Variants in HSF2BP observed in about 807,000 individuals in gnomAD.
The protein encoded by HSF2BP is heat shock factor 2-binding protein.
Under a neutral mutation model 35.0 loss-of-function variants are expected in HSF2BP, and 35 were observed. That is an observed-to-expected ratio of 1.00 (90% CI 0.76 to 1.32). The LOEUF (loss-of-function observed/expected upper bound fraction) is 1.32, where lower values mean the gene tolerates loss of function less well. Ranked by LOEUF, HSF2BP falls within the 40% of genes most tolerant of loss-of-function variation. The pLI is 0.00. For synonymous variants in HSF2BP, 114 were observed against 117.4 expected (o/e 0.97, Z 0.18); for missense variants, 326 against 321.7 (o/e 1.01, Z -0.10).
chr21:43,624,332 G>A (rs2082365012), intron 6 of HSF2BP, among the ~76,000 whole-genome samples: 1 of 152,190 alleles, frequency 6.6e-6, no homozygotes, highest in East Asian at 1.9e-4. Context: ...TCCACATGCA[G>A]AGTCACACAA....
At chr21:43,613,300 A>G (rs2082232131) in intron 7 of HSF2BP, among the ~76,000 whole-genome samples, 1 of 152,212 alleles carries the variant, frequency 6.6e-6, no homozygotes, top group African/African-American at 2.4e-5. Flanking sequence ...ACTCGCTCCT[A>G]GAAACCAAGA....
chr21:43,621,665 T>G (rs2082332854), intron 6 of HSF2BP, among the ~76,000 whole-genome samples: 1 of 152,056 alleles, frequency 6.6e-6, no homozygotes, highest in Admixed American at 6.5e-5. Context: ...GAAGGACTAA[T>G]AAAGTCTTTC....
At chr21:43,609,669 T>C (rs990425531) in intron 7 of HSF2BP, among the ~76,000 whole-genome samples, 1 of 151,764 alleles carries the variant, frequency 6.6e-6, no homozygotes, top group Non-Finnish European at 1.5e-5. Context: ...GGGTGGGCGT[T>C]AGTGAAGTGG....
chr21:43,626,172 C>T (rs1167534160), intron 6 of HSF2BP, among the ~76,000 whole-genome samples: 1 of 152,132 alleles, frequency 6.6e-6, no homozygotes, highest in Admixed American at 6.6e-5. Context: ...TCAGCATCCA[C>T]CCCGCAAGAA....
At chr21:43,625,102 TA>T (rs2082373592) in intron 6 of HSF2BP, among the ~76,000 whole-genome samples, 1 of 152,166 alleles carries the variant, frequency 6.6e-6, no homozygotes, top group Admixed American at 6.5e-5. Context: ...AAGGTTTAAA[TA>T]AATTTCTGAT....
At chr21:43,601,800 T>C (rs1451900971) in intron 7 of HSF2BP, among the ~76,000 whole-genome samples, 1 of 152,208 alleles carries the variant, frequency 6.6e-6, no homozygotes, top group East Asian at 1.9e-4. Flanking sequence ...TTGAACATTA[T>C]CTAGATACAG....
At chr21:43,632,481 GCTGCCACACACACA>G (rs1348794484) in intron 5 of HSF2BP, among the ~76,000 whole-genome samples, 4 of 35,028 alleles carry the variant, frequency 1.1e-4, no homozygotes, top group Non-Finnish European at 2.5e-4. Context: ...ACACACACAC[GCTGCCACACACACA>G]CACAGTTGAA....
intron 3 of HSF2BP, among the ~76,000 whole-genome samples, chr21:43,646,783 T>G (rs551442593): frequency 1.2e-4 from 18 of 152,370 alleles, no homozygotes; most frequent in African/African-American, 4.3e-4. Context: ...CACACCCATC[T>G]ACGCCAGGCT....
chr21:43,635,928 C>CAAAAAAA (rs33999944), intron 4 of HSF2BP, among the ~76,000 whole-genome samples: 2 of 71,114 alleles, frequency 2.8e-5, no homozygotes, highest in Admixed American at 1.9e-4. Flanking sequence ...GACTCCATCT[C>CAAAAAAA]AAAAAAAAAA....
Position 43,588,406 on chromosome 21 carries a change from G to C in HSF2BP, c.796+3819C>G, listed in dbSNP as rs972604390. 7.9e-5 allele frequency among the ~76,000 whole-genome samples: 12 copies of C among 151,926 alleles called. 1 individual carries two copies. The highest frequency in any genetic ancestry group is 1.8e-4 in the Non-Finnish European group (12 of 67,970). On this transcript the variant is annotated intron_variant, in intron 8 of 8. Coordinates refer to ENST00000291560, the MANE Select transcript of HSF2BP (RefSeq NM_007031.2). ...AAATAAATAAATAAATAAATAAGAA[G>C]TCATCCAGCACTAAGGCTTCCACCC... is the stretch of plus-strand genomic sequence containing the variant.
chr21:43,647,033 T>G (rs1327133614), intron 3 of HSF2BP, among the ~76,000 whole-genome samples: 2 of 152,218 alleles, frequency 1.3e-5, no homozygotes, highest in Non-Finnish European at 2.9e-5. Context: ...TCACATAAAT[T>G]TATTTCACTT....
intron 8 of HSF2BP, among the ~76,000 whole-genome samples, chr21:43,573,059 G>A (rs1218061726): frequency 6.6e-6 from 1 of 152,198 alleles, no homozygotes; most frequent in African/African-American, 2.4e-5. Flanking sequence ...ATACATGAAT[G>A]AGCCCATGAG....
In HSF2BP at chr21:43,597,323, C is replaced by T. The variant is rs902821769; in HGVS notation, c.693-4995G>A. On this transcript the variant is annotated intron_variant, in intron 7 of 8. Transcript: ENST00000291560. This position sits in a 1 kb window ranked among gnomAD's most constrained non-coding sequence, Gnocchi z 4.3. ...AGAGTCCAGAGCCCCCACAACCTAC[C>T]TTCTGCCACCTCCAGTACACATGCT... 1.3e-5 allele frequency among the ~76,000 whole-genome samples: 2 copies of T among 152,194 alleles called. No individual in the cohort carries two copies. The highest frequency in any genetic ancestry group is 2.9e-5 in the Non-Finnish European group (2 of 68,042).
chr21:43,610,611 C>T (rs779455673), intron 7 of HSF2BP, among the ~76,000 whole-genome samples: 1 of 151,758 alleles, frequency 6.6e-6, no homozygotes, highest in East Asian at 1.9e-4. Flanking sequence ...GTCTCTCCCC[C>T]TCTTCCCCCG....
At chr21:43,584,995 ATTATTTATTTAT>A (rs557734689) in intron 8 of HSF2BP, among the ~76,000 whole-genome samples, 3 of 151,482 alleles carry the variant, frequency 2.0e-5, no homozygotes, top group African/African-American at 4.9e-5. Flanking sequence ...ATTTTATTTA[ATTATTTATTTAT>A]TTATTTATTT....
At chr21:43,625,455 G>A (rs766014270) in intron 6 of HSF2BP, among the ~76,000 whole-genome samples, 6 of 152,142 alleles carry the variant, frequency 3.9e-5, no homozygotes, top group Non-Finnish European at 8.8e-5. Flanking sequence ...GAAGGATGGC[G>A]TGCAGGAAGT....
rs748119114 is a variant in HSF2BP, at chr21:43,613,833, T to C, written c.689A>G (p.Lys230Arg). 83 of 1,598,046 alleles carry C rather than the reference T, an allele frequency of 5.2e-5. No individual in the cohort carries two copies. The highest frequency in any genetic ancestry group is 6.5e-5 in the Non-Finnish European group (76 of 1,165,564). The change falls in exon 7 of 9, where the codon AAA becomes AGA. Residue 230 changes from lysine (K) to arginine (R), a missense_variant. Coordinates refer to ENST00000291560, the MANE Select transcript of HSF2BP (RefSeq NM_007031.2). Reference protein sequence around the residue: ...DLKPGQCTKLKVLMLMSLYNV... With the variant: ...DLKPGQCTKLRVLMLMSLYNV... ...TTTTTAACATTATCCACCATACACTTTGAGTTTGGTACACTGTCCTGGCTT... is the reference window on the plus strand; with the variant it reads ...TTTTTAACATTATCCACCATACACTCTGAGTTTGGTACACTGTCCTGGCTT...
chr21:43,573,003 C>T (rs765810273), intron 8 of HSF2BP, among the ~76,000 whole-genome samples: 1 of 152,222 alleles, frequency 6.6e-6, no homozygotes, highest in Non-Finnish European at 1.5e-5. Flanking sequence ...TGTTCTACAA[C>T]ACTAGCGGTG....
At chr21:43,610,186 G>A (rs1221298438) in intron 7 of HSF2BP, among the ~76,000 whole-genome samples, 1 of 152,084 alleles carries the variant, frequency 6.6e-6, no homozygotes, top group Non-Finnish European at 1.5e-5. Flanking sequence ...TGACTCAAAG[G>A]AAAAACTGGA....
Sources: allele counts gnomAD v4.1 joint callset (sites outside exome capture counted in the v4.1 genomes callset), GRCh38; gene constraint gnomAD v4.1.1; non-coding constraint Gnocchi (gnomAD v3.1); transcripts MANE v1.5; gene names NCBI Gene and HGNC (gene_info 2026-07-23, HGNC 2026-07-21).